ABCC1: variants seen among roughly 807,000 people sequenced by gnomAD.
The protein encoded by ABCC1 is ATP binding cassette subfamily C member 1 (ABCC1 blood group).
A neutral mutation model predicts 172.9 loss-of-function variants in ABCC1; 83 were observed. The ratio of observed to expected loss-of-function variants is 0.48; its 90% CI spans 0.40 to 0.58. ABCC1 has a LOEUF of 0.58. Ranked by LOEUF, ABCC1 falls within the 20% of genes least tolerant of loss-of-function variation. The probability of loss-of-function intolerance (pLI) is 0.00; values close to 1 mark genes in which losing one functional copy is unlikely to be tolerated. For missense variants in ABCC1, 1,817 were observed against 2,002.7 expected (o/e 0.91, Z 1.77); for synonymous variants, 937 against 825.2 (o/e 1.14, Z -2.32).
chr16:16,073,158 G>T (rs2050419759), intron 14 of ABCC1, among the ~76,000 whole-genome samples: 1 of 151,944 alleles, frequency 6.6e-6, no homozygotes, highest in South Asian at 2.1e-4. Context: ...GTCCCAACTT[G>T]TCCATTACTC....
At chr16:16,100,917 A>G (rs1448509154) in intron 19 of ABCC1, among the ~76,000 whole-genome samples, 2 of 152,176 alleles carry the variant, frequency 1.3e-5, no homozygotes, top group African/African-American at 4.8e-5. Flanking sequence ...TGGAGCTCTA[A>G]TCGAGACTCA....
At chr16:16,124,349 GA>G (rs2045322527) in intron 24 of ABCC1, among the ~76,000 whole-genome samples, 37 of 112,864 alleles carry the variant, frequency 3.3e-4, no homozygotes, top group South Asian at 9.2e-4. Context: ...GTGTGTGTGT[GA>G]TTATAGGAGT....
chr16:16,040,139 A>G (rs960721812), intron 7 of ABCC1, among the ~76,000 whole-genome samples: 1 of 151,972 alleles, frequency 6.6e-6, no homozygotes, highest in African/African-American at 2.4e-5. Flanking sequence ...TCTGTTGCTC[A>G]GGCTGGATGG....
At chr16:16,103,790 T>C (rs780101254) in intron 20 of ABCC1, among the ~76,000 whole-genome samples, 6 of 152,144 alleles carry the variant, frequency 3.9e-5, no homozygotes, top group Non-Finnish European at 8.8e-5. Context: ...ATGTCGCTTT[T>C]GCCATGGTTA....
At chr16:16,136,794 G>C in intron 29 of ABCC1, 150 bp downstream of exon 29, 1 of 943,378 alleles carries the variant, frequency 1.1e-6, no homozygotes, top group Non-Finnish European at 1.5e-6. Flanking sequence ...CTCAGTTTCT[G>C]TATCTGTAAA....
intron 30 of ABCC1, among the ~76,000 whole-genome samples, chr16:16,140,799 C>A (rs1412530267): frequency 1.3e-5 from 2 of 152,200 alleles, no homozygotes; most frequent in Admixed American, 6.5e-5. Context: ...AGCATATGGC[C>A]TGCAGAGCCT....
At chr16:15,971,274 A>G (rs2046362013) in intron 1 of ABCC1, among the ~76,000 whole-genome samples, 1 of 152,158 alleles carries the variant, frequency 6.6e-6, no homozygotes, top group Non-Finnish European at 1.5e-5. Context: ...TTAATATGCA[A>G]ATGCAGGGTA....
chr16:15,991,082 C>T (rs970643904), intron 1 of ABCC1, among the ~76,000 whole-genome samples: 12 of 152,228 alleles, frequency 7.9e-5, no homozygotes, highest in East Asian at 1.9e-4. Context: ...CTGTGAGTGA[C>T]GCTCCAGTGA....
intron 1 of ABCC1, among the ~76,000 whole-genome samples, chr16:15,965,706 C>G (rs2046228029): frequency 6.6e-6 from 1 of 152,140 alleles, no homozygotes; most frequent in African/African-American, 2.4e-5. Context: ...AGGTGATTCT[C>G]CTGCCTCAGC....
intron 1 of ABCC1, among the ~76,000 whole-genome samples, chr16:15,961,008 T>G (rs989458008): frequency 2.0e-4 from 10 of 50,522 alleles, no homozygotes; most frequent in African/African-American, 8.5e-4. Context: ...AGGTTTTTTT[T>G]TTTTTTTTTT....
At chr16:15,955,014 C>T (rs185788463) in intron 1 of ABCC1, among the ~76,000 whole-genome samples, 74 of 152,240 alleles carry the variant, frequency 4.9e-4, no homozygotes, top group Admixed American at 2.8e-3. Flanking sequence ...ATGGCTTCCC[C>T]GACTTCCACT....
chr16:16,088,543 G>T (rs1258434868), intron 18 of ABCC1, among the ~76,000 whole-genome samples: 1 of 152,010 alleles, frequency 6.6e-6, no homozygotes, highest in Non-Finnish European at 1.5e-5. Context: ...AGCAAATCTG[G>T]CCCACTGCCT....
intron 22 of ABCC1, among the ~76,000 whole-genome samples, chr16:16,113,340 GC>G (rs1889058971): frequency 6.6e-6 from 1 of 152,196 alleles, no homozygotes; most frequent in African/African-American, 2.4e-5. Flanking sequence ...GACACAGGTG[GC>G]TATTTTAATT....
At chr16:16,100,009 C>T (rs1234286176) in intron 19 of ABCC1, among the ~76,000 whole-genome samples, 3 of 152,114 alleles carry the variant, frequency 2.0e-5, no homozygotes, top group Non-Finnish European at 4.4e-5. Flanking sequence ...TCGATTGAAC[C>T]CAAGAGGCAG....
At chr16:16,088,306 G>A (rs1301397488) in intron 18 of ABCC1, among the ~76,000 whole-genome samples, 1 of 152,138 alleles carries the variant, frequency 6.6e-6, no homozygotes, top group Non-Finnish European at 1.5e-5. Flanking sequence ...TCAGCCGAGT[G>A]TGGTGATGCA....
chr16:16,120,199 G>C (rs890623773), intron 23 of ABCC1, among the ~76,000 whole-genome samples: 1 of 151,516 alleles, frequency 6.6e-6, no homozygotes, highest in African/African-American at 2.4e-5. Context: ...AGTACACCTG[G>C]CCCAGGGCAG....
intron 3 of ABCC1, among the ~76,000 whole-genome samples, chr16:16,010,700 C>T (rs2047744369): frequency 6.6e-6 from 1 of 152,160 alleles, no homozygotes; most frequent in Non-Finnish European, 1.5e-5. Context: ...TGGTGTTTCA[C>T]GTGTCTTGAA....
At chr16:16,061,853 A>C (rs965828154) in intron 12 of ABCC1, among the ~76,000 whole-genome samples, 30 of 144,298 alleles carry the variant, frequency 2.1e-4, no homozygotes, top group Non-Finnish European at 3.6e-4. Flanking sequence ...GGCTCACTGC[A>C]ACCTCTGCCT....
At chr16:16,018,123 T>C (rs2048069527) in intron 5 of ABCC1, among the ~76,000 whole-genome samples, 1 of 152,184 alleles carries the variant, frequency 6.6e-6, no homozygotes, top group East Asian at 1.9e-4. Context: ...GGGAGAACTT[T>C]TCACCTCTGT....
Sources: allele counts gnomAD v4.1 joint callset (sites outside exome capture counted in the v4.1 genomes callset), GRCh38; gene constraint gnomAD v4.1.1; transcripts MANE v1.5; gene names NCBI Gene and HGNC (gene_info 2026-07-23, HGNC 2026-07-21).